Variants in CDKAL1 observed in about 807,000 individuals in gnomAD.
The protein encoded by CDKAL1 is threonylcarbamoyladenosine tRNA methylthiotransferase.
A neutral mutation model predicts 68.2 loss-of-function variants in CDKAL1; 32 were observed. The observed-to-expected ratio is 0.47, with a 90% CI of 0.35 to 0.63. The LOEUF is 0.63. CDKAL1 is among the 30% of genes least tolerant of loss of function. CDKAL1 has a pLI of 0.00. For synonymous variants in CDKAL1, 234 were observed against 244.3 expected (o/e 0.96, Z 0.39); for missense variants, 606 against 696.7 (o/e 0.87, Z 1.47).
chr6:20,636,985 G>A (rs1160776620), intron 4 of CDKAL1, among the ~76,000 whole-genome samples: 1 of 150,226 alleles, frequency 6.7e-6, no homozygotes. Context: ...TGCAGTGAGC[G>A]GAAATCGCAC....
rs202129544 is a variant in CDKAL1 at position 20,697,445 on chromosome 6, CT to C, written c.372-42067del. On this transcript the variant is annotated intron_variant, in intron 5 of 15. Transcript: ENST00000274695. ...TAATTTAGATCAAAAGAGAAGGCCA[CT>C]TTTTTTGGGAACATATACATTGTAT... Among the ~76,000 whole-genome samples, 1,089 of 152,112 alleles carry C rather than the reference CT, an allele frequency of 7.2e-3. 40 individuals are homozygous for C. Among genetic ancestry groups the C allele is most frequent in the Admixed American group, 0.055 (845 of 15,282 alleles).
intron 5 of CDKAL1, among the ~76,000 whole-genome samples, chr6:20,661,517 T>A (rs538231243): frequency 6.6e-6 from 1 of 152,186 alleles, no homozygotes; most frequent in South Asian, 2.1e-4. Context: ...CAGAATATTA[T>A]CATGTGATGT....
chr6:21,159,334 A>G (rs1776797497), intron 13 of CDKAL1, among the ~76,000 whole-genome samples: 1 of 152,184 alleles, frequency 6.6e-6, no homozygotes, highest in South Asian at 2.1e-4. Flanking sequence ...GCTTTAGCCC[A>G]AGCAACCTCT....
intron 15 of CDKAL1, among the ~76,000 whole-genome samples, chr6:21,211,352 A>G (rs1315096582): frequency 3.3e-5 from 5 of 152,226 alleles, no homozygotes; most frequent in African/African-American, 1.2e-4. Flanking sequence ...AGACAAGCAC[A>G]TATATTCGTC....
At chr6:20,651,978 T>C (rs1051917069) in intron 5 of CDKAL1, among the ~76,000 whole-genome samples, 1 of 152,222 alleles carries the variant, frequency 6.6e-6, no homozygotes, top group African/African-American at 2.4e-5. Flanking sequence ...GATTTTTGCA[T>C]TGATGTTCAT....
intron 6 of CDKAL1, among the ~76,000 whole-genome samples, chr6:20,739,849 A>G (rs895348876): frequency 5.3e-5 from 8 of 152,256 alleles, no homozygotes; most frequent in South Asian, 4.1e-4. Flanking sequence ...ATAAAAAGCC[A>G]TAGTGTGGAA....
chr6:20,786,352 T>G (rs1350817855), intron 8 of CDKAL1, among the ~76,000 whole-genome samples: 1 of 152,188 alleles, frequency 6.6e-6, no homozygotes, highest in East Asian at 1.9e-4. Context: ...GATATTTATG[T>G]AGAATTTTTT....
intron 4 of CDKAL1, among the ~76,000 whole-genome samples, chr6:20,576,763 A>T (rs567932140): frequency 6.6e-6 from 1 of 152,054 alleles, no homozygotes; most frequent in South Asian, 2.1e-4. Flanking sequence ...CTCCCACTTG[A>T]CTGTAGCCAC....
At chr6:20,858,858 A>T (rs1331411669) in intron 9 of CDKAL1, among the ~76,000 whole-genome samples, 1 of 152,232 alleles carries the variant, frequency 6.6e-6, no homozygotes, top group Non-Finnish European at 1.5e-5. Context: ...AATTAAAAAC[A>T]GAAAAAAAGG....
At chr6:20,756,823 C>CCTTCCTTCCTTCCTTCCTTCCTTT (rs1774194789) in intron 6 of CDKAL1, 2 of 147,260 alleles carry the variant, frequency 1.4e-5, no homozygotes, top group African/African-American at 5.1e-5. Flanking sequence ...TTCCTTCCTT[C>CCTTCCTTCCTTCCTTCCTTCCTTT]CTTCCTTCCT....
intron 8 of CDKAL1, among the ~76,000 whole-genome samples, chr6:20,790,608 G>A (rs1025001699): frequency 3.9e-5 from 6 of 152,154 alleles, no homozygotes; most frequent in African/African-American, 9.7e-5. Context: ...CACTGGAGGC[G>A]CCCTGCCCAC....
chr6:21,119,712 C>G (rs959618455), intron 13 of CDKAL1, among the ~76,000 whole-genome samples: 6 of 152,096 alleles, frequency 3.9e-5, no homozygotes, highest in African/African-American at 1.4e-4. Context: ...TTGCATTTCC[C>G]CACACAATTT....
At chr6:20,658,202 A>C (rs541225536) in intron 5 of CDKAL1, among the ~76,000 whole-genome samples, 2 of 152,298 alleles carry the variant, frequency 1.3e-5, no homozygotes, top group African/African-American at 4.8e-5. Context: ...AATGACAGAA[A>C]GAATAGCCAG....
At chr6:21,009,389 A>T (rs890216011) in intron 11 of CDKAL1, among the ~76,000 whole-genome samples, 1 of 152,214 alleles carries the variant, frequency 6.6e-6, no homozygotes, top group African/African-American at 2.4e-5. Flanking sequence ...TCTATAGTCA[A>T]TATCGCCTCC....
intron 4 of CDKAL1, among the ~76,000 whole-genome samples, chr6:20,582,790 A>G (rs1404632511): frequency 6.6e-6 from 1 of 152,206 alleles, no homozygotes; most frequent in East Asian, 1.9e-4. Flanking sequence ...GAAATCCAAT[A>G]TTTGCCAATG....
intron 12 of CDKAL1, among the ~76,000 whole-genome samples, chr6:21,082,883 T>G (rs1021434218): frequency 1.3e-5 from 2 of 150,480 alleles, no homozygotes; most frequent in Admixed American, 1.3e-4. Context: ...TGTTTTTTTT[T>G]TTTTTTTTGA....
intron 5 of CDKAL1, among the ~76,000 whole-genome samples, chr6:20,687,917 C>CA (rs990908268): frequency 2.6e-5 from 4 of 151,664 alleles, no homozygotes; most frequent in Admixed American, 6.6e-5. Flanking sequence ...GATCTACTGG[C>CA]AAAAAAATCT....
intron 8 of CDKAL1, among the ~76,000 whole-genome samples, chr6:20,841,444 G>GA (rs1239425461): frequency 1.3e-5 from 2 of 152,110 alleles, no homozygotes; most frequent in Admixed American, 6.5e-5. Flanking sequence ...TACAAAAAAA[G>GA]AATAGGTATG....
intron 7 of CDKAL1, among the ~76,000 whole-genome samples, chr6:20,764,975 A>G (rs55805653): frequency 0.12 from 17,569 of 152,108 alleles, 1,119 homozygotes; most frequent in African/African-American, 0.15. Flanking sequence ...AAGTAAATAC[A>G]TGATAACTTC....
Sources: gnomAD v4.1 joint callset for allele counts (sites outside exome capture counted in the v4.1 genomes callset) on GRCh38, gnomAD v4.1.1 for gene constraint, MANE v1.5 for transcripts, NCBI Gene and HGNC (gene_info 2026-07-23, HGNC 2026-07-21) for gene names.